CNTLN: variants seen among roughly 807,000 people sequenced by gnomAD.
CNTLN encodes the protein centlein, centrosomal protein.
Under a neutral mutation model 180.0 loss-of-function variants are expected in CNTLN, and 212 were observed. The observed-to-expected ratio is 1.18, with a 90% confidence interval of 1.05 to 1.32. The LOEUF is 1.32. Ranked by LOEUF, CNTLN falls within the 40% of genes most tolerant of loss-of-function variation. CNTLN has a pLI of 0.00. For missense variants in CNTLN, 2,095 were observed against 1,610.9 expected (o/e 1.30, Z -5.14); for synonymous variants, 722 against 563.1 (o/e 1.28, Z -3.99).
At chr9:17,378,977 A>G (rs1054222622) in intron 13 of CNTLN, among the ~76,000 whole-genome samples, 10 of 152,258 alleles carry the variant, frequency 6.6e-5, no homozygotes, top group South Asian at 6.2e-4. Context: ...TTCAGCTGTC[A>G]TACACCTGAA....
intron 2 of CNTLN, among the ~76,000 whole-genome samples, chr9:17,179,805 T>A (rs994527244): frequency 6.6e-6 from 1 of 151,946 alleles, no homozygotes; most frequent in Non-Finnish European, 1.5e-5. Flanking sequence ...ATTACTCTTT[T>A]CAGTTCTATC....
chr9:17,330,119 G>T (rs1337677369), intron 8 of CNTLN, among the ~76,000 whole-genome samples: 1 of 152,044 alleles, frequency 6.6e-6, no homozygotes, highest in African/African-American at 2.4e-5. Context: ...TTTCAAAGGA[G>T]AATGCTGTAA....
chr9:17,399,086 TG>T (rs1244930012), intron 15 of CNTLN, among the ~76,000 whole-genome samples: 4 of 152,222 alleles, frequency 2.6e-5, no homozygotes, highest in African/African-American at 9.6e-5. Flanking sequence ...TGCTGTTCCT[TG>T]GGACGCAAGT....
intron 5 of CNTLN, among the ~76,000 whole-genome samples, chr9:17,268,174 CT>C (rs1357125603): frequency 6.6e-6 from 1 of 152,030 alleles, no homozygotes; most frequent in African/African-American, 2.4e-5. Flanking sequence ...GTTTTATCTA[CT>C]TTTGGTCTTT....
the CNTLN span, among the ~76,000 whole-genome samples, chr9:17,509,075 C>T: frequency 2.0e-5 from 3 of 152,196 alleles, no homozygotes; most frequent in Admixed American, 1.3e-4. Context: ...CTCCAACCAC[C>T]CCTGTCTTTG....
At chr9:17,299,699 TA>T in intron 7 of CNTLN, 1 of 985,354 alleles carries the variant, frequency 1.0e-6, no homozygotes, top group Non-Finnish European at 1.2e-6. Context: ...TTTTTGTTTC[TA>T]AAGCACGTTC....
In CNTLN at chr9:17,238,362, A is replaced by G. The variant is rs555748564; in HGVS notation, c.849+1774A>G. Among the ~76,000 whole-genome samples the G allele has an allele frequency of 5.3e-4, 81 of 152,294 alleles. 1 individual carries two copies. The highest frequency in any genetic ancestry group is 1.0e-3 in the Admixed American group (16 of 15,302). On this transcript the variant is annotated intron_variant, in intron 5 of 25. Transcript: ENST00000380647. ...TTTATTTTTGGATGTGATGGTCCAC[A>G]TCATTTACTCAATACCCACGGAAGC... is the stretch of plus-strand genomic sequence containing the variant.
rs76769132 is a variant in CNTLN, at chr9:17,157,434, G to T, written c.449+14058G>T. On this transcript the variant is annotated intron_variant, in intron 2 of 25. Transcript: ENST00000380647. ...TGAAGCAAGGTGAAGGTAGAGAAAG[G>T]GGGTGGGGTAAGAGGAAGAAAGAAG... Among the ~76,000 whole-genome samples, 809 of 152,266 alleles carry T rather than the reference G, an allele frequency of 5.3e-3. 5 individuals are homozygous for T. Among genetic ancestry groups the T allele is most frequent in the African/African-American group, 0.019 (777 of 41,550 alleles).
intron 2 of CNTLN, among the ~76,000 whole-genome samples, chr9:17,165,633 G>T (rs1477037143): frequency 6.6e-6 from 1 of 152,184 alleles, no homozygotes; most frequent in East Asian, 1.9e-4. Context: ...GAGGCAGGAA[G>T]TTTATTTCCT....
At chr9:17,161,108 C>G (rs1819648119) in intron 2 of CNTLN, among the ~76,000 whole-genome samples, 1 of 152,060 alleles carries the variant, frequency 6.6e-6, no homozygotes, top group Admixed American at 6.5e-5. Flanking sequence ...CTCACTCTCA[C>G]TAATTCTAAG....
intron 14 of CNTLN, among the ~76,000 whole-genome samples, chr9:17,390,391 A>G (rs1212617084): frequency 6.6e-6 from 1 of 151,758 alleles, no homozygotes; most frequent in Non-Finnish European, 1.5e-5. Flanking sequence ...GGTGTGCGCC[A>G]CTATGCCTGG....
At chr9:17,253,364 C>A (rs754468103) in intron 5 of CNTLN, among the ~76,000 whole-genome samples, 2 of 151,600 alleles carry the variant, frequency 1.3e-5, no homozygotes, top group African/African-American at 2.4e-5. Context: ...GCAGTTTGGT[C>A]ATTTTAACAA....
At chr9:17,392,110 A>G (rs1401765698) in intron 14 of CNTLN, among the ~76,000 whole-genome samples, 8 of 152,118 alleles carry the variant, frequency 5.3e-5, no homozygotes, top group Admixed American at 5.2e-4. Context: ...TCTACAAAAT[A>G]TAAAAAATTA....
intron 5 of CNTLN, among the ~76,000 whole-genome samples, chr9:17,248,042 C>T (rs754829771): frequency 1.6e-4 from 24 of 151,974 alleles, no homozygotes; most frequent in Non-Finnish European, 2.2e-4. Context: ...TGGCTGGTCT[C>T]GAACTCCTTA....
intron 5 of CNTLN, among the ~76,000 whole-genome samples, chr9:17,263,819 T>C (rs1454288450): frequency 6.9e-5 from 10 of 144,176 alleles, no homozygotes; most frequent in Admixed American, 4.8e-4. Flanking sequence ...TTTCATGTGT[T>C]TCTTGGCTGC....
intron 2 of CNTLN, among the ~76,000 whole-genome samples, chr9:17,197,282 C>T (rs1822194984): frequency 6.6e-6 from 1 of 152,222 alleles, no homozygotes; most frequent in African/African-American, 2.4e-5. Context: ...CTTTTCTCCA[C>T]ATCCTTGTCA....
chr9:17,466,939 T>C (rs1243665954), intron 23 of CNTLN, 48 bp downstream of exon 23: 2 of 1,367,650 alleles, frequency 1.5e-6, no homozygotes, highest in African/African-American at 1.5e-5. Context: ...TTTAGGCAGA[T>C]AGGCAGTAGC....
At chr9:17,241,580 T>A (rs1354250045) in intron 5 of CNTLN, among the ~76,000 whole-genome samples, 4 of 152,140 alleles carry the variant, frequency 2.6e-5, no homozygotes, top group Non-Finnish European at 5.9e-5. Context: ...TAAAAAAAAT[T>A]CTGCGAAGAA....
At chr9:17,215,379 C>T (rs1823666458) in intron 2 of CNTLN, among the ~76,000 whole-genome samples, 1 of 152,206 alleles carries the variant, frequency 6.6e-6, no homozygotes, top group South Asian at 2.1e-4. Flanking sequence ...TTTTGCTGAA[C>T]AGCAAATGTT....
Sources: allele counts gnomAD v4.1 joint callset (sites outside exome capture counted in the v4.1 genomes callset), GRCh38; gene constraint gnomAD v4.1.1; transcripts MANE v1.5; gene names NCBI Gene and HGNC (gene_info 2026-07-23, HGNC 2026-07-21).